The following SERPINB8 variants were observed in gnomAD, a reference collection of about 807,000 sequenced individuals.
SERPINB8 encodes serpin family B member 8.
Under a neutral mutation model 35.3 loss-of-function variants are expected in SERPINB8, and 25 were observed. The observed-to-expected ratio is 0.71, with a 90% CI of 0.52 to 0.99. The LOEUF is 0.99. Ranked by LOEUF, SERPINB8 falls within the 50% of genes least tolerant of loss-of-function variation. SERPINB8 has a pLI of 0.00. For synonymous variants in SERPINB8, 186 were observed against 160.8 expected (o/e 1.16, Z -1.19); for missense variants, 484 against 446.5 (o/e 1.08, Z -0.76).
intron 6 of SERPINB8, chr18:63,986,129 A>C (rs1454564538): frequency 7.4e-6 from 6 of 809,232 alleles, no homozygotes; most frequent in African/African-American, 5.2e-5. Context: ...AGAGTCTAGA[A>C]ATAGAGTCAA....
intron 5 of SERPINB8, among the ~76,000 whole-genome samples, chr18:63,984,373 A>G (rs1367264881): frequency 6.6e-6 from 1 of 152,174 alleles, no homozygotes; most frequent in African/African-American, 2.4e-5. Context: ...TTTTTGCAAT[A>G]TCAGTGGCAA....
chr18:64,001,173 G>GTA (rs1373248575), intron 1 of SERPINB8, among the ~76,000 whole-genome samples: 1 of 152,164 alleles, frequency 6.6e-6, no homozygotes, highest in African/African-American at 2.4e-5. Flanking sequence ...CTTGTAGACA[G>GTA]TATATGTTTG....
intron 1 of SERPINB8, among the ~76,000 whole-genome samples, chr18:64,000,456 A>G (rs2050868936): frequency 6.6e-6 from 1 of 152,230 alleles, no homozygotes; most frequent in African/African-American, 2.4e-5. Flanking sequence ...AGGCCCAACC[A>G]TATGCAATTA....
intron 2 of SERPINB8, among the ~76,000 whole-genome samples, chr18:63,978,876 G>A (rs1042072882): frequency 1.7e-5 from 2 of 120,278 alleles, no homozygotes; most frequent in Non-Finnish European, 3.2e-5. Flanking sequence ...TGTTAAGTGG[G>A]TTATTTTAGT....
At chr18:64,010,571 C>A (rs2050921642), downstream of SERPINB8, among the ~76,000 whole-genome samples, 1 of 152,106 alleles carries the variant, frequency 6.6e-6, no homozygotes, top group Non-Finnish European at 1.5e-5. Flanking sequence ...ATGGTCAGCA[C>A]TATTCATATA....
At chr18:63,986,693 G>A in intron 6 of SERPINB8, 181 bp from the exon 7 acceptor site, 1 of 1,407,082 alleles carries the variant, frequency 7.1e-7, no homozygotes, top group South Asian at 1.7e-5. Flanking sequence ...CCATAAAACT[G>A]TGAAAAGATG....
chr18:64,007,560 G>T (rs981936118), downstream of SERPINB8, among the ~76,000 whole-genome samples: 1 of 152,168 alleles, frequency 6.6e-6, no homozygotes, highest in African/African-American at 2.4e-5. Context: ...AATTTATAAA[G>T]AAAAGAGGCT....
At chr18:63,990,363 A>C (rs998039323), downstream of SERPINB8, among the ~76,000 whole-genome samples, 41 of 152,110 alleles carry the variant, frequency 2.7e-4, no homozygotes, top group African/African-American at 9.9e-4. Flanking sequence ...GGTATGAGCC[A>C]CCGCACCTGG....
rs149964033 is a variant in SERPINB8, at chr18:63,970,791, C to T, written c.-11+621C>T. ...CTTCTCCTTCCCTTCCTGTCCCCCC[C>T]CTCCGTTCTTTCCACCCCTGCCTTC... On this transcript the variant is annotated intron_variant, in intron 1 of 6. Coordinates refer to ENST00000397985, the MANE Select transcript of SERPINB8 (RefSeq NM_002640.4). Among the ~76,000 whole-genome samples, 9 of 152,290 alleles carry T rather than the reference C, an allele frequency of 5.9e-5. No homozygotes were observed. In the East Asian group the frequency reaches 7.7e-4, roughly 13 times the overall value.
chr18:64,018,358 G>A lies in SERPINB8; in HGVS notation c.*3-552G>A, dbSNP rs116133124. Among the ~76,000 whole-genome samples, 255 of 152,212 alleles carry A rather than the reference G, an allele frequency of 1.7e-3. 1 individual carries two copies. The highest frequency in any genetic ancestry group is 6.0e-3 in the African/African-American group (249 of 41,552). On this transcript the variant is annotated intron_variant, in intron 7 of 7. Coordinates refer to the SERPINB8 transcript ENST00000636430. ...TTGAATGGAAACAAAAGAACCAGAA[G>A]GAAACCCTTAAAAGTGTTTTCAAGA...
intron 5 of SERPINB8, among the ~76,000 whole-genome samples, 181 bp from the exon 6 acceptor site, chr18:63,984,912 T>G (rs1260389386): frequency 6.6e-6 from 1 of 152,108 alleles, no homozygotes; most frequent in Non-Finnish European, 1.5e-5. Context: ...ATATTTGATC[T>G]GCTGGAACAA....
downstream of SERPINB8, among the ~76,000 whole-genome samples, chr18:64,007,296 T>A (rs2050904497): frequency 6.6e-6 from 1 of 152,082 alleles, no homozygotes; most frequent in Non-Finnish European, 1.5e-5. Flanking sequence ...ACAACCTGAA[T>A]GAGCCTATAA....
intron 7 of SERPINB8, among the ~76,000 whole-genome samples, chr18:64,012,330 T>C (rs1430323211): frequency 6.6e-6 from 1 of 152,162 alleles, no homozygotes; most frequent in African/African-American, 2.4e-5. Context: ...TGAAATATGG[T>C]ACAATTTATT....
chr18:64,010,968 TAC>T (rs540480241), intron 7 of SERPINB8, among the ~76,000 whole-genome samples: 49 of 151,594 alleles, frequency 3.2e-4, no homozygotes, highest in African/African-American at 8.5e-4. Flanking sequence ...TATGTATATA[TAC>T]ACACACACAT....
intron 1 of SERPINB8, among the ~76,000 whole-genome samples, chr18:63,975,284 G>C (rs948551286): frequency 6.6e-6 from 1 of 152,044 alleles, no homozygotes; most frequent in Non-Finnish European, 1.5e-5. Context: ...CCACCTTCTG[G>C]TTGGCCCAGT....
chr18:63,987,318 C>G lies in SERPINB8; in HGVS notation c.*40C>G. The G allele has an allele frequency of 6.4e-7, 1 of 1,554,708 alleles. No individual in the cohort carries two copies. Among genetic ancestry groups the G allele is most frequent in the East Asian group, 2.3e-5 (1 of 44,388 alleles). Reference sequence around the variant, plus strand: ...TGTACATACCCTCCTTTCCTTCTACCTATCTTGCCTTAATTAACATTCCCT... The same window carrying G: ...TGTACATACCCTCCTTTCCTTCTACGTATCTTGCCTTAATTAACATTCCCT... On this transcript the variant is annotated 3_prime_UTR_variant, in exon 7 of 7. Transcript: ENST00000397985.
chr18:63,987,464 A>C lies in SERPINB8; in HGVS notation c.*186A>C. 1 of 648,212 alleles carries C rather than the reference A, an allele frequency of 1.5e-6. No individual in the cohort carries two copies. Among genetic ancestry groups the C allele is most frequent in the South Asian group, 2.2e-5 (1 of 44,638 alleles). 40.2% of individuals were successfully genotyped at this position (648,212 alleles called of 1,614,324 possible). A position where few individuals can be genotyped will look rare whatever the true frequency, so the allele number is the denominator to read the frequency against. On this transcript the variant is annotated 3_prime_UTR_variant, in exon 7 of 7. Transcript: ENST00000397985. ...AATAACTGAGGCCGCAGATGCATGA[A>C]ATTTGGGCCTGGGAAGGCTATGCTG...
chr18:63,986,644 G>A (rs2050759174), intron 6 of SERPINB8: 1 of 1,322,150 alleles, frequency 7.6e-7, no homozygotes, highest in Non-Finnish European at 9.6e-7. Context: ...AAAAATTTCT[G>A]CCTGTCTCAG....
chr18:64,014,410 A>G (rs1850392), intron 7 of SERPINB8, among the ~76,000 whole-genome samples: 92,248 of 151,954 alleles, frequency 0.61, 28,190 homozygotes, highest in East Asian at 0.69. Flanking sequence ...CAATGTATAC[A>G]TTTAAATTTC....
Sources: allele counts gnomAD v4.1 joint callset (sites outside exome capture counted in the v4.1 genomes callset), GRCh38; gene constraint gnomAD v4.1.1; transcripts MANE v1.5; gene names NCBI Gene and HGNC (gene_info 2026-07-23, HGNC 2026-07-21).